C12orf75: variants seen among roughly 807,000 people sequenced by gnomAD.
C12orf75 encodes overexpressed in colon carcinoma 1 protein.
In C12orf75, 4 loss-of-function variants were observed where a neutral mutation model predicts 11.4. That is an observed-to-expected ratio of 0.35 (90% CI 0.17 to 0.80). The LOEUF (loss-of-function observed/expected upper bound fraction) is 0.80, where lower values mean the gene tolerates loss of function less well. Among genes scored for constraint, C12orf75 ranks in the 30% least tolerant of loss-of-function variants. The pLI, the probability that C12orf75 is intolerant of heterozygous loss-of-function variation, is 0.52. For missense variants in C12orf75, 89 were observed against 80.4 expected, an observed-to-expected ratio of 1.11 and a Z score of -0.41; for synonymous variants, 30 against 30.0, an observed-to-expected ratio of 1.00 and a Z score of 0.00.
At chr12:105,343,146 C>T (rs1410765358) in intron 1 of C12orf75, among the ~76,000 whole-genome samples, 1 of 152,192 alleles carries the variant, frequency 6.6e-6, no homozygotes, top group Non-Finnish European at 1.5e-5. Context: ...ATTATCATTT[C>T]TACAGTTTTG....
At chr12:105,355,749 A>G (rs142638464) in intron 2 of C12orf75, among the ~76,000 whole-genome samples, 78 of 152,290 alleles carry the variant, frequency 5.1e-4, no homozygotes, top group African/African-American at 1.8e-3. Context: ...GAAAAGCCAA[A>G]TTTCTTAAGG....
chr12:105,356,439 C>T (rs11112490), intron 2 of C12orf75, among the ~76,000 whole-genome samples: 25,467 of 107,098 alleles, frequency 0.24, 3,727 homozygotes, highest in East Asian at 0.56. Context: ...AGACTACAGG[C>T]TTTTTTTTTT....
At chr12:105,358,480 C>G (rs561186321) in intron 2 of C12orf75, among the ~76,000 whole-genome samples, 1 of 152,258 alleles carries the variant, frequency 6.6e-6, no homozygotes, top group South Asian at 2.1e-4. Context: ...ATGATTGTGC[C>G]ACTGCTCTCC....
At chr12:105,333,949 C>A (rs551431393) in intron 1 of C12orf75, among the ~76,000 whole-genome samples, 1 of 152,270 alleles carries the variant, frequency 6.6e-6, no homozygotes, top group South Asian at 2.1e-4. Flanking sequence ...AATTGTTTCC[C>A]CTTTCCCTGA....
Position 105,370,919 on chromosome 12 carries a change from C to T in C12orf75, c.*319C>T. On this transcript the variant is annotated 3_prime_UTR_variant, in exon 6 of 6. Coordinates refer to ENST00000443585, the MANE Select transcript of C12orf75 (RefSeq NM_001145199.2). ...CCGCTGCATTTTGACAACATTTCCACCCTGGCCACTCAGCACATTTCATGG... is the reference window on the plus strand; with the variant it reads ...CCGCTGCATTTTGACAACATTTCCATCCTGGCCACTCAGCACATTTCATGG... The T allele has an allele frequency of 3.2e-6, 1 of 311,522 alleles. No individual in the cohort carries two copies. Among genetic ancestry groups the T allele is most frequent in the Admixed American group, 4.0e-5 (1 of 24,860 alleles). 19.3% of individuals were successfully genotyped at this position (311,522 alleles called of 1,614,324 possible). A position where few individuals can be genotyped will look rare whatever the true frequency, so the allele number is the denominator to read the frequency against.
At chr12:105,335,781 A>G (rs1020148716) in intron 1 of C12orf75, among the ~76,000 whole-genome samples, 1 of 152,240 alleles carries the variant, frequency 6.6e-6, no homozygotes, top group Non-Finnish European at 1.5e-5. Context: ...ATGAAAGCCT[A>G]TACATTTTGT....
chr12:105,337,748 T>TA, intron 1 of C12orf75, among the ~76,000 whole-genome samples: 1 of 152,318 alleles, frequency 6.6e-6, no homozygotes. Context: ...GTAAGCAACT[T>TA]ATAGGAAAGC....
chr12:105,355,135 G>C (rs1362207498), intron 2 of C12orf75, among the ~76,000 whole-genome samples: 1 of 151,060 alleles, frequency 6.6e-6, no homozygotes, highest in African/African-American at 2.4e-5. Flanking sequence ...TGAGGTGAGA[G>C]GTTGGATGGG....
intron 2 of C12orf75, among the ~76,000 whole-genome samples, chr12:105,361,857 C>T (rs1293571091): frequency 6.6e-6 from 1 of 152,196 alleles, no homozygotes; most frequent in African/African-American, 2.4e-5. Flanking sequence ...CCAACCACCG[C>T]TTTCTGATTT....
At chr12:105,370,257 G>A (rs1871590693) in intron 5 of C12orf75, among the ~76,000 whole-genome samples, 1 of 152,204 alleles carries the variant, frequency 6.6e-6, no homozygotes, top group African/African-American at 2.4e-5. Context: ...GGAGTGCCAT[G>A]TAATGTGGAG....
rs531749244 is a variant in C12orf75, at chr12:105,330,870, G to C, written c.-22G>C. ...CCCGCGGCCGAGAGCTCCGGAGCGC[G>C]GCTTCCCCGGCCGGCTGCGCGATGG... is the stretch of plus-strand genomic sequence containing the variant. On this transcript the variant is annotated 5_prime_UTR_variant, in exon 1 of 6. Transcript: ENST00000443585. 4.8e-4 allele frequency: 600 copies of C among 1,254,008 alleles called. 3 individuals are homozygous for C. The highest frequency in any genetic ancestry group is 1.4e-4 in the Non-Finnish European group (140 of 1,000,228). The allele number at this position is 1,254,008 out of a possible 1,614,324, so 77.7% of individuals were successfully genotyped here.
intron 2 of C12orf75, among the ~76,000 whole-genome samples, chr12:105,360,599 C>T (rs1183052598): frequency 5.3e-5 from 8 of 152,232 alleles, no homozygotes; most frequent in Non-Finnish European, 1.0e-4. Flanking sequence ...CCATGCCCAT[C>T]AGAAGCTCCT....
chr12:105,355,479 G>A lies in C12orf75; in HGVS notation c.71+6853G>A, dbSNP rs150032464. 2.1e-3 allele frequency among the ~76,000 whole-genome samples: 325 copies of A among 152,266 alleles called. 1 individual carries two copies. The highest frequency in any genetic ancestry group is 7.3e-3 in the African/African-American group (305 of 41,562). On this transcript the variant is annotated intron_variant, in intron 2 of 5. Coordinates refer to ENST00000443585, the MANE Select transcript of C12orf75 (RefSeq NM_001145199.2). ...CACTGCACGTGGCCATTTTCATGGAGTTTTAAATTGACCAAGATAATGGTG... is the reference window on the plus strand; with the variant it reads ...CACTGCACGTGGCCATTTTCATGGAATTTTAAATTGACCAAGATAATGGTG...
At chr12:105,361,819 A>G (rs1892870162) in intron 2 of C12orf75, among the ~76,000 whole-genome samples, 1 of 152,214 alleles carries the variant, frequency 6.6e-6, no homozygotes, top group African/African-American at 2.4e-5. Context: ...GCTTGGACCT[A>G]TCCTTCCGCA....
At chr12:105,357,893 G>A (rs1035536259) in intron 2 of C12orf75, among the ~76,000 whole-genome samples, 1 of 151,880 alleles carries the variant, frequency 6.6e-6, no homozygotes, top group African/African-American at 2.4e-5. Context: ...TGCCCAGGCT[G>A]GAGTGCAGTG....
intron 4 of C12orf75, among the ~76,000 whole-genome samples, chr12:105,367,017 A>G (rs1049131663): frequency 6.6e-6 from 1 of 152,262 alleles, no homozygotes; most frequent in Non-Finnish European, 1.5e-5. Context: ...ACAGAAAGGT[A>G]AATTTCTGTA....
At position 105,336,376 on chromosome 12, in the gene C12orf75, C is replaced by T. The variant is rs117703812; in HGVS notation, c.46+5439C>T. On this transcript the variant is annotated intron_variant, in intron 1 of 5. Coordinates refer to ENST00000443585, the MANE Select transcript of C12orf75 (RefSeq NM_001145199.2). ...GGGCAATTTGCTGAGGCTGTCTGTTCCTTAGGTTCCTTGACCATAAAATGG... is the reference window on the plus strand; with the variant it reads ...GGGCAATTTGCTGAGGCTGTCTGTTTCTTAGGTTCCTTGACCATAAAATGG... Among the ~76,000 whole-genome samples, 22 of 152,292 alleles carry T rather than the reference C, an allele frequency of 1.4e-4. No homozygotes were observed. The East Asian group carries it at 4.2e-3, about 29-fold the overall frequency.
intron 1 of C12orf75, among the ~76,000 whole-genome samples, chr12:105,331,625 A>AC (rs1255205842): frequency 7.6e-6 from 1 of 131,604 alleles, no homozygotes. Context: ...CACACACACA[A>AC]ATAGAAACTT....
At chr12:105,341,018 A>G (rs12829692) in intron 1 of C12orf75, among the ~76,000 whole-genome samples, 4 of 152,106 alleles carry the variant, frequency 2.6e-5, no homozygotes, top group Admixed American at 1.3e-4. Flanking sequence ...CTATGAGTGC[A>G]TAGATTTCTG....
Sources: gnomAD v4.1 joint callset for allele counts (sites outside exome capture counted in the v4.1 genomes callset) on GRCh38, gnomAD v4.1.1 for gene constraint, MANE v1.5 for transcripts, NCBI Gene and HGNC (gene_info 2026-07-23, HGNC 2026-07-21) for gene names.